GRM1: variants seen among roughly 807,000 people sequenced by gnomAD.
The protein encoded by GRM1 is glutamate metabotropic receptor 1, also known as metabotropic glutamate receptor 1.
In GRM1, 33 loss-of-function variants were observed where a neutral mutation model predicts 90.9. The observed-to-expected ratio is 0.36, with a 90% CI of 0.28 to 0.49. GRM1 has a LOEUF of 0.49. Ranked by LOEUF, GRM1 falls within the 20% of genes least tolerant of loss-of-function variation. GRM1 has a pLI of 0.99. For missense variants in GRM1, 1,190 were observed against 1,534.3 expected, an observed-to-expected ratio of 0.78 and a Z score of 3.75; for synonymous variants, 700 against 613.2, an observed-to-expected ratio of 1.14 and a Z score of -2.09.
intron 2 of GRM1, among the ~76,000 whole-genome samples, chr6:146,166,448 GT>G (rs960779321): frequency 4.6e-5 from 7 of 152,046 alleles, no homozygotes; most frequent in African/African-American, 1.2e-4. Flanking sequence ...TTTCAGCTCT[GT>G]TTTTTTCTTT....
intron 3 of GRM1, among the ~76,000 whole-genome samples, chr6:146,325,616 C>A (rs1784375423): frequency 6.6e-6 from 1 of 152,206 alleles, no homozygotes; most frequent in Non-Finnish European, 1.5e-5. Flanking sequence ...TGTTATGTAG[C>A]AAACGGCTAG....
rs1777078974 is a variant in GRM1 at position 146,399,578 on chromosome 6, C to T, written c.2539C>T (p.Arg847Cys). The T allele has an allele frequency of 2.5e-6, 4 of 1,613,904 alleles. No homozygotes were observed. The highest frequency in any genetic ancestry group is 1.3e-5 in the African/African-American group (1 of 74,892). Residue 847 changes from arginine to cysteine, a missense_variant, in exon 7 of 8, where the codon CGC becomes TGC. Around this residue, in one of 10 missense-constraint regions of GRM1, gnomAD observed 73 missense variants for 150.6 expected, o/e 0.48. Coordinates refer to ENST00000282753, the MANE Select transcript of GRM1 (RefSeq NM_001278064.2). The surrounding 1 kb of genome is among the most constrained non-coding windows in gnomAD (Gnocchi z 5.4). ...IIIAKPERNV[R>C]SAFTTSDVVR... ...TATTGCCAAGCCTGAGAGGAATGTCCGCAGTGCCTTCACCACCTCTGATGT... is the reference window on the plus strand; with the variant it reads ...TATTGCCAAGCCTGAGAGGAATGTCTGCAGTGCCTTCACCACCTCTGATGT...
intron 4 of GRM1, among the ~76,000 whole-genome samples, chr6:146,354,682 G>T (rs573406724): frequency 1.8e-4 from 27 of 152,098 alleles, no homozygotes; most frequent in African/African-American, 6.0e-4. Flanking sequence ...TCATGCTTTT[G>T]GTCCCTCTTG....
chr6:146,338,994 T>C (rs1464864292), intron 3 of GRM1, among the ~76,000 whole-genome samples: 1 of 152,206 alleles, frequency 6.6e-6, no homozygotes, highest in Non-Finnish European at 1.5e-5. Flanking sequence ...TAAATCCTTG[T>C]CCTTATAGTT....
At chr6:146,396,140 T>C (rs968451094) in intron 6 of GRM1, among the ~76,000 whole-genome samples, 6 of 151,690 alleles carry the variant, frequency 4.0e-5, no homozygotes, top group Non-Finnish European at 7.4e-5. Flanking sequence ...ATGTATCATC[T>C]GTCTTGCCTG....
chr6:146,108,950 T>A (rs985764633), intron 1 of GRM1, among the ~76,000 whole-genome samples: 46 of 152,170 alleles, frequency 3.0e-4, no homozygotes, highest in African/African-American at 1.1e-3. Context: ...ATTTAGGGTA[T>A]CTGGCAGAAG....
At chr6:146,278,799 C>G (rs962817292) in intron 2 of GRM1, among the ~76,000 whole-genome samples, 5 of 151,992 alleles carry the variant, frequency 3.3e-5, no homozygotes, top group African/African-American at 9.7e-5. Flanking sequence ...AAAACAAAAA[C>G]TTTGCTTCTT....
At chr6:146,226,561 T>C (rs1780247120) in intron 2 of GRM1, among the ~76,000 whole-genome samples, 1 of 151,890 alleles carries the variant, frequency 6.6e-6, no homozygotes, top group African/African-American at 2.4e-5. Flanking sequence ...ACATTATCTA[T>C]GTATCACTAG....
chr6:146,251,811 G>A (rs939316306), intron 2 of GRM1, among the ~76,000 whole-genome samples: 2 of 152,276 alleles, frequency 1.3e-5, no homozygotes, highest in Admixed American at 6.5e-5. Flanking sequence ...TCCACTGATG[G>A]CATCTTTCAA....
At chr6:146,393,476 G>A (rs988683339) in intron 6 of GRM1, among the ~76,000 whole-genome samples, 20 of 152,122 alleles carry the variant, frequency 1.3e-4, no homozygotes, top group Middle Eastern at 3.4e-3. Flanking sequence ...CATCCTATAG[G>A]TTGCCTGTTC....
intron 1 of GRM1, among the ~76,000 whole-genome samples, chr6:146,061,680 A>G (rs1293687609): frequency 1.3e-5 from 2 of 152,096 alleles, no homozygotes; most frequent in Admixed American, 6.5e-5. Flanking sequence ...ACTTCTCAAA[A>G]AAAGACATTT....
chr6:146,130,369 A>G (rs975968200), intron 1 of GRM1, among the ~76,000 whole-genome samples: 1 of 152,096 alleles, frequency 6.6e-6, no homozygotes, highest in African/African-American at 2.4e-5. Flanking sequence ...GAAAGTAAAT[A>G]ATGAAAATAA....
intron 1 of GRM1, among the ~76,000 whole-genome samples, chr6:146,152,134 G>A (rs563326063): frequency 6.6e-5 from 10 of 152,168 alleles, no homozygotes; most frequent in African/African-American, 2.2e-4. Flanking sequence ...ACATTACCAC[G>A]TTGCAATCTT....
rs80293367 is a variant in GRM1 at position 146,276,458 on chromosome 6, C to T, written c.951-28153C>T. Among the ~76,000 whole-genome samples the T allele has an allele frequency of 1.2e-3, 181 of 152,218 alleles. 3 individuals carry two copies. The East Asian group carries it at 0.016, about 14-fold the overall frequency. ...TTGCAAATAATTTATATTAGGAATT[C>T]TATCCTTCCAGTTGTTATTATAGAA... On this transcript the variant is annotated intron_variant, in intron 2 of 7. Coordinates refer to ENST00000282753, the MANE Select transcript of GRM1 (RefSeq NM_001278064.2).
At chr6:146,228,265 G>A (rs568893544) in intron 2 of GRM1, among the ~76,000 whole-genome samples, 2 of 152,134 alleles carry the variant, frequency 1.3e-5, no homozygotes, top group East Asian at 3.9e-4. Flanking sequence ...GTTTATTACA[G>A]TTCTGGAGGA....
intron 5 of GRM1, among the ~76,000 whole-genome samples, chr6:146,373,482 G>A (rs1251428156): frequency 6.6e-6 from 1 of 152,012 alleles, no homozygotes; most frequent in Non-Finnish European, 1.5e-5. Flanking sequence ...GCACTAGGAG[G>A]GATGATGATA....
intron 2 of GRM1, among the ~76,000 whole-genome samples, chr6:146,227,188 A>C (rs1780271529): frequency 6.6e-6 from 1 of 152,118 alleles, no homozygotes. Flanking sequence ...AAACATACAG[A>C]AATATATGTA....
chr6:146,189,805 T>A (rs1778875247), intron 2 of GRM1, among the ~76,000 whole-genome samples: 1 of 152,174 alleles, frequency 6.6e-6, no homozygotes, highest in Non-Finnish European at 1.5e-5. Context: ...GACATTGACC[T>A]TCCACCGAGG....
In GRM1 at chr6:146,200,704, T is replaced by TG. The variant is rs1234325993; in HGVS notation, c.950+41114dup. Among the ~76,000 whole-genome samples the TG allele has an allele frequency of 2.0e-5, 3 of 151,602 alleles. No individual in the cohort carries two copies. The East Asian group carries it at 5.8e-4, about 29-fold the overall frequency. On this transcript the variant is annotated intron_variant, in intron 2 of 7. Coordinates refer to ENST00000282753, the MANE Select transcript of GRM1 (RefSeq NM_001278064.2). ...TTAAGTATGCAAAATAATTTTTTGG[T>TG]GGGGGGGATGGTGAAAGCATATGAA...
Sources: allele counts gnomAD v4.1 joint callset (sites outside exome capture counted in the v4.1 genomes callset), GRCh38; gene constraint gnomAD v4.1.1; regional missense constraint gnomAD v4.1.1; non-coding constraint Gnocchi (gnomAD v3.1); transcripts MANE v1.5; gene names NCBI Gene and HGNC (gene_info 2026-07-23, HGNC 2026-07-21).